The following PXDNL variants were observed in gnomAD, a reference collection of about 807,000 sequenced individuals.
PXDNL encodes the protein peroxidasin like.
PXDNL carries 145 observed loss-of-function variants against 150.8 expected under a neutral mutation model. The ratio of observed to expected loss-of-function variants is 0.96; its 90% confidence interval spans 0.84 to 1.10. The LOEUF (loss-of-function observed/expected upper bound fraction) is 1.10, where lower values mean the gene tolerates loss of function less well. PXDNL is among the 50% of genes least tolerant of loss of function. The pLI, the probability that PXDNL is intolerant of heterozygous loss-of-function variation, is 0.00. For missense variants in PXDNL, 2,087 were observed against 1,873.9 expected (o/e 1.11, Z -2.10); for synonymous variants, 757 against 725.7 (o/e 1.04, Z -0.69).
At chr8:51,365,394 A>C (rs1806883329) in intron 19 of PXDNL, among the ~76,000 whole-genome samples, 1 of 152,234 alleles carries the variant, frequency 6.6e-6, no homozygotes, top group Non-Finnish European at 1.5e-5. Flanking sequence ...ACAGAGATTC[A>C]GTTGTAAGGA....
chr8:51,620,977 C>A (rs773334708), intron 2 of PXDNL, among the ~76,000 whole-genome samples: 4 of 152,076 alleles, frequency 2.6e-5, no homozygotes, highest in African/African-American at 9.7e-5. Context: ...TGCTAAATAC[C>A]AATGTTGTTT....
chr8:51,466,788 G>GA (rs140439805), intron 8 of PXDNL, among the ~76,000 whole-genome samples: 1,985 of 152,180 alleles, frequency 0.013, 39 homozygotes, highest in African/African-American at 0.046. Flanking sequence ...ACAAACTTAT[G>GA]AAAAAATGTT....
At chr8:51,488,876 G>C (rs1198698577) in intron 5 of PXDNL, among the ~76,000 whole-genome samples, 1 of 152,112 alleles carries the variant, frequency 6.6e-6, no homozygotes, top group Non-Finnish European at 1.5e-5. Flanking sequence ...CCAAGAACTA[G>C]AGAAAAAGAG....
chr8:51,712,143 T>G (rs1210257481), intron 1 of PXDNL, among the ~76,000 whole-genome samples: 1 of 152,220 alleles, frequency 6.6e-6, no homozygotes, highest in Admixed American at 6.5e-5. Context: ...CATGTCATTG[T>G]CTGGGTGTGG....
intron 1 of PXDNL, among the ~76,000 whole-genome samples, chr8:51,696,456 G>A (rs1248884714): frequency 6.6e-6 from 1 of 152,156 alleles, no homozygotes; most frequent in African/African-American, 2.4e-5. Context: ...ATAAATTTTG[G>A]TCATTTAATC....
intron 1 of PXDNL, among the ~76,000 whole-genome samples, chr8:51,712,951 T>TA (rs1443977760): frequency 6.6e-6 from 1 of 152,048 alleles, no homozygotes; most frequent in African/African-American, 2.4e-5. Flanking sequence ...ACCATAGAAA[T>TA]AAAAAATCTG....
At chr8:51,335,760 C>A (rs1372404146) in intron 21 of PXDNL, among the ~76,000 whole-genome samples, 3 of 150,720 alleles carry the variant, frequency 2.0e-5, no homozygotes, top group African/African-American at 7.4e-5. Context: ...TAGATACAAT[C>A]TCAAATAGAA....
rs192752848 is a variant in PXDNL, at chr8:51,554,442, C to G, written c.380+2398G>C. On this transcript the variant is annotated intron_variant, in intron 4 of 22. Transcript: ENST00000356297. ...TTATCAAAGGATCAATTGGCTGCAC[C>G]CTTGCACTTTTTTTGTTCTTTACTT... is the stretch of plus-strand genomic sequence containing the variant. 2.4e-3 allele frequency among the ~76,000 whole-genome samples: 369 copies of G among 152,224 alleles called. 2 individuals are homozygous for G. Among genetic ancestry groups the G allele is most frequent in the Middle Eastern group, 6.8e-3 (2 of 294 alleles).
chr8:51,601,239 T>C (rs796849599), intron 2 of PXDNL, among the ~76,000 whole-genome samples: 5 of 151,950 alleles, frequency 3.3e-5, no homozygotes, highest in African/African-American at 1.2e-4. Context: ...TAGGTTTAAC[T>C]GGCCAAGGGT....
At chr8:51,739,554 G>A (rs745597994) in intron 1 of PXDNL, among the ~76,000 whole-genome samples, 16 of 152,142 alleles carry the variant, frequency 1.1e-4, no homozygotes, top group Non-Finnish European at 1.9e-4. Flanking sequence ...GAAATAACAG[G>A]TGATTTCAGC....
At chr8:51,573,853 T>A (rs1812995754) in intron 3 of PXDNL, among the ~76,000 whole-genome samples, 1 of 151,992 alleles carries the variant, frequency 6.6e-6, no homozygotes, top group South Asian at 2.1e-4. Context: ...TAAAACAAGG[T>A]CATATAGATG....
At chr8:51,403,841 C>T (rs1234961756) in intron 17 of PXDNL, among the ~76,000 whole-genome samples, 3 of 152,090 alleles carry the variant, frequency 2.0e-5, no homozygotes, top group Non-Finnish European at 2.9e-5. Context: ...GTCTCGGTCT[C>T]ACTGACTTCA....
chr8:51,635,080 T>C (rs577615499), intron 2 of PXDNL, among the ~76,000 whole-genome samples: 1 of 152,218 alleles, frequency 6.6e-6, no homozygotes, highest in African/African-American at 2.4e-5. Context: ...TGCTTCCAGC[T>C]TTTGCCCATC....
chr8:51,762,401 A>G (rs978639736), intron 1 of PXDNL, among the ~76,000 whole-genome samples: 2 of 152,176 alleles, frequency 1.3e-5, no homozygotes, highest in African/African-American at 4.8e-5. Context: ...GAGATAATCA[A>G]CTAAGAGCCA....
At chr8:51,765,734 AT>A in intron 1 of PXDNL, among the ~76,000 whole-genome samples, 1 of 152,034 alleles carries the variant, frequency 6.6e-6, no homozygotes, top group South Asian at 2.1e-4. Flanking sequence ...TACATCTTCC[AT>A]TTACTTTTTG....
chr8:51,593,248 G>A (rs1285917739), intron 2 of PXDNL, among the ~76,000 whole-genome samples: 1 of 152,002 alleles, frequency 6.6e-6, no homozygotes, highest in African/African-American at 2.4e-5. Context: ...AATAATAGGT[G>A]GCAGAAATAA....
intron 3 of PXDNL, among the ~76,000 whole-genome samples, chr8:51,567,401 T>C (rs1205408722): frequency 9.2e-5 from 14 of 151,890 alleles, no homozygotes; most frequent in Admixed American, 8.5e-4. Flanking sequence ...TCGATTCCTC[T>C]ATTTCTTCTT....
intron 1 of PXDNL, among the ~76,000 whole-genome samples, chr8:51,662,375 G>A (rs1247591264): frequency 2.6e-5 from 4 of 152,112 alleles, no homozygotes; most frequent in South Asian, 2.1e-4. Context: ...AAAATTAGCC[G>A]GGCATGGTGG....
At chr8:51,616,259 C>G (rs1814128547) in intron 2 of PXDNL, among the ~76,000 whole-genome samples, 1 of 152,128 alleles carries the variant, frequency 6.6e-6, no homozygotes, top group African/African-American at 2.4e-5. Flanking sequence ...GTTTCTGGTA[C>G]TTTTCTAAAG....
Sources: gnomAD v4.1 joint callset for allele counts (sites outside exome capture counted in the v4.1 genomes callset) on GRCh38, gnomAD v4.1.1 for gene constraint, MANE v1.5 for transcripts, NCBI Gene and HGNC (gene_info 2026-07-23, HGNC 2026-07-21) for gene names.